Variants in COL5A2 observed in about 807,000 individuals in gnomAD.
COL5A2 encodes the protein collagen type V alpha 2 chain.
In COL5A2, 23 loss-of-function variants were observed where a neutral mutation model predicts 208.2. That is an observed-to-expected ratio of 0.11 (90% CI 0.08 to 0.16). The LOEUF (loss-of-function observed/expected upper bound fraction) is 0.16, where lower values mean the gene tolerates loss of function less well. Among genes scored for constraint, COL5A2 ranks in the 10% least tolerant of loss-of-function variants. The probability of loss-of-function intolerance (pLI) is 1.00; values close to 1 mark genes in which losing one functional copy is unlikely to be tolerated. For synonymous variants in COL5A2, 625 were observed against 628.5 expected, an observed-to-expected ratio of 0.99 and a Z score of 0.08; for missense variants, 1,590 against 1,956.4, an observed-to-expected ratio of 0.81 and a Z score of 3.53.
intron 2 of COL5A2, among the ~76,000 whole-genome samples, chr2:189,108,402 T>C (rs1265376006): frequency 1.3e-5 from 2 of 151,880 alleles, no homozygotes; most frequent in Non-Finnish European, 3.0e-5. Context: ...AACCATATTA[T>C]CTCCTTAAGA....
chr2:189,281,106 AT>A, the COL5A2 span, among the ~76,000 whole-genome samples: 2 of 152,282 alleles, frequency 1.3e-5, no homozygotes, highest in South Asian at 4.1e-4. Flanking sequence ...AAATTTGAAT[AT>A]TCATTATATC....
Position 189,037,691 on chromosome 2 carries a change from T to A in COL5A2, c.3926-888A>T, listed in dbSNP as rs574105917. 2.6e-5 allele frequency among the ~76,000 whole-genome samples: 4 copies of A among 152,312 alleles called. No homozygotes were observed. The South Asian group carries it at 8.3e-4, about 32-fold the overall frequency. ...ATGCAACTAGGGCAGAACAACTATT[T>A]GATTCCAAAATGTCTTGGAACCTCA... On this transcript the variant is annotated intron_variant, in intron 51 of 53. Transcript: ENST00000374866.
At chr2:189,142,081 G>A (rs1000512695) in intron 1 of COL5A2, among the ~76,000 whole-genome samples, 1 of 151,944 alleles carries the variant, frequency 6.6e-6, no homozygotes, top group Non-Finnish European at 1.5e-5. Flanking sequence ...GTATAGACTT[G>A]ATAAGTTATC....
chr2:189,318,694 TAAC>T, the COL5A2 span, among the ~76,000 whole-genome samples: 1 of 152,240 alleles, frequency 6.6e-6, no homozygotes, highest in South Asian at 2.1e-4. Context: ...AAACTTTTCT[TAAC>T]AACTTTTATT....
chr2:189,369,094 A>C, the COL5A2 span, among the ~76,000 whole-genome samples: 3 of 152,202 alleles, frequency 2.0e-5, no homozygotes, highest in African/African-American at 7.2e-5. Flanking sequence ...AATTCAAAAC[A>C]TGGCTTCAAA....
intron 26 of COL5A2, 48 bp downstream of exon 26, chr2:189,063,932 T>G (rs780371555): frequency 7.0e-7 from 1 of 1,425,634 alleles, no homozygotes; most frequent in African/African-American, 1.4e-5. Flanking sequence ...AAGTTGCATG[T>G]CTGTTGAAAA....
the COL5A2 span, among the ~76,000 whole-genome samples, chr2:189,285,273 A>T: frequency 6.6e-6 from 1 of 152,018 alleles, no homozygotes. Context: ...CTAATGCCAG[A>T]CCACATTTCA....
upstream of COL5A2, among the ~76,000 whole-genome samples, chr2:189,180,150 C>T (rs1218808762): frequency 1.3e-5 from 2 of 152,020 alleles, no homozygotes; most frequent in African/African-American, 4.8e-5. Flanking sequence ...AGTTTTTTTA[C>T]ATTTAGATAA....
the COL5A2 span, among the ~76,000 whole-genome samples, chr2:189,231,594 C>A: frequency 2.6e-5 from 4 of 151,558 alleles, no homozygotes; most frequent in African/African-American, 4.8e-5. Context: ...CCTGACCCCC[C>A]AGCTTGAGTA....
intron 1 of COL5A2, among the ~76,000 whole-genome samples, chr2:189,128,266 G>A (rs2105748510): frequency 6.6e-6 from 1 of 152,044 alleles, no homozygotes; most frequent in Non-Finnish European, 1.5e-5. Context: ...AGTTATGTTT[G>A]TAAAAAGTAG....
chr2:189,239,033 C>A, the COL5A2 span, among the ~76,000 whole-genome samples: 1 of 152,026 alleles, frequency 6.6e-6, no homozygotes, highest in Non-Finnish European at 1.5e-5. Flanking sequence ...GCTTTAGAGG[C>A]TAGGCAGGTA....
intron 1 of COL5A2, among the ~76,000 whole-genome samples, chr2:189,189,232 T>C (rs1390060004): frequency 6.6e-6 from 1 of 152,182 alleles, no homozygotes; most frequent in Admixed American, 6.5e-5. Context: ...AAAATATTCA[T>C]CCCTCTCTTC....
chr2:189,251,042 G>A, the COL5A2 span, among the ~76,000 whole-genome samples: 1 of 152,116 alleles, frequency 6.6e-6, no homozygotes, highest in Non-Finnish European at 1.5e-5. Context: ...CATGCAAAAT[G>A]GGAATAATGA....
chr2:189,261,240 T>C, the COL5A2 span, among the ~76,000 whole-genome samples: 5 of 152,190 alleles, frequency 3.3e-5, no homozygotes, highest in Non-Finnish European at 5.9e-5. Context: ...ACCATCAAGC[T>C]GTTGCCATCA....
chr2:189,213,551 A>C (rs1230918592), intron 1 of COL5A2, among the ~76,000 whole-genome samples: 1 of 152,216 alleles, frequency 6.6e-6, no homozygotes, highest in Non-Finnish European at 1.5e-5. Context: ...TATAGAGGGA[A>C]GAGGAACTGC....
Position 189,039,313 on chromosome 2 carries a change from G to T in COL5A2, c.3884C>A (p.Thr1295Lys). 2 of 1,614,080 alleles carry T rather than the reference G, an allele frequency of 1.2e-6. No homozygotes were observed. Among genetic ancestry groups the T allele is most frequent in the Non-Finnish European group, 1.7e-6 (2 of 1,180,014 alleles). Residue 1295 changes from threonine (T) to lysine (K), a missense_variant, in exon 51 of 54, where the codon ACG (threonine) becomes AAG (lysine). By Grantham distance (78) the Thr-to-Lys change is moderately conservative. Coordinates refer to ENST00000374866, the MANE Select transcript of COL5A2 (RefSeq NM_000393.5). ...PDGSKKHPARTCDDLKLCHSA... is the reference protein window; with the variant it reads ...PDGSKKHPARKCDDLKLCHSA... The stretch of plus-strand genomic sequence containing the variant: ...ATGGCAAAGCTTTAGGTCATCACAC[G>T]TGCGGGCTGGGTGCTTTTTCGAGCC...
intron 18 of COL5A2, among the ~76,000 whole-genome samples, chr2:189,069,258 A>T (rs948451687): frequency 4.6e-5 from 7 of 152,196 alleles, no homozygotes; most frequent in African/African-American, 1.4e-4. Context: ...CTAAGTTCAT[A>T]AAGAAAAACT....
At chr2:189,060,854 A>C in intron 30 of COL5A2, 71 bp from the exon 31 acceptor site, 1 of 1,093,590 alleles carries the variant, frequency 9.1e-7, no homozygotes, top group Non-Finnish European at 1.4e-6. Flanking sequence ...TTAACAGTTT[A>C]CCTTTTACAA....
the COL5A2 span, among the ~76,000 whole-genome samples, chr2:189,425,182 C>T: frequency 6.6e-6 from 1 of 151,912 alleles, no homozygotes; most frequent in African/African-American, 2.4e-5. Flanking sequence ...TGACTATTAT[C>T]GAAAAGACAA....
Sources: gnomAD v4.1 joint callset for allele counts (sites outside exome capture counted in the v4.1 genomes callset) on GRCh38, gnomAD v4.1.1 for gene constraint, MANE v1.5 for transcripts, NCBI Gene and HGNC (gene_info 2026-07-23, HGNC 2026-07-21) for gene names.